The following POU2AF1 variants were observed in gnomAD, a reference collection of about 807,000 sequenced individuals.
The protein encoded by POU2AF1 is POU class 2 homeobox associating factor 1, also known as POU domain class 2-associating factor 1.
In POU2AF1, 12 loss-of-function variants were observed where a neutral mutation model predicts 26.3. The observed-to-expected ratio is 0.46, with a 90% CI of 0.29 to 0.74. The LOEUF (loss-of-function observed/expected upper bound fraction) is 0.74. POU2AF1 is among the 30% of genes least tolerant of loss of function. The probability of loss-of-function intolerance (pLI) is 0.09; values close to 1 mark genes in which losing one functional copy is unlikely to be tolerated. For missense variants in POU2AF1, 297 were observed against 334.5 expected, an observed-to-expected ratio of 0.89 and a Z score of 0.87; for synonymous variants, 175 against 148.0, an observed-to-expected ratio of 1.18 and a Z score of -1.32.
Position 111,354,460 on chromosome 11 carries a change from A to G in POU2AF1, c.572T>C (p.Leu191Pro). Residue 191 changes from leucine to proline, a missense_variant, in exon 5 of 5, where the codon CTG (leucine) becomes CCG (proline). Transcript: ENST00000393067. ...QPLSTLPTST[L>P]QYQPPAPALP... The stretch of plus-strand genomic sequence containing the variant: ...GGCTGGGGCCGGAGGCTGGTACTGC[A>G]GGGTGGAGGTGGGTAGTGTGGAAAG... 1 of 1,613,398 alleles carries G rather than the reference A, an allele frequency of 6.2e-7. No individual in the cohort carries two copies. Among genetic ancestry groups the G allele is most frequent in the Non-Finnish European group, 8.5e-7 (1 of 1,179,730 alleles).
intron 1 of POU2AF1, among the ~76,000 whole-genome samples, chr11:111,373,200 A>G (rs566246512): frequency 1.3e-5 from 2 of 152,374 alleles, no homozygotes; most frequent in South Asian, 4.1e-4. Flanking sequence ...TGTATACTGC[A>G]TAGCACCAAA....
At chr11:111,368,521 C>A (rs924243557) in intron 1 of POU2AF1, among the ~76,000 whole-genome samples, 1 of 152,086 alleles carries the variant, frequency 6.6e-6, no homozygotes, top group Admixed American at 6.6e-5. Flanking sequence ...GAGTCTCGAG[C>A]GTGACTTGCT....
chr11:111,353,974 G>A lies in POU2AF1; in HGVS notation c.*287C>T, dbSNP rs1229431584. On this transcript the variant is annotated 3_prime_UTR_variant, in exon 5 of 5. Coordinates refer to ENST00000393067, the MANE Select transcript of POU2AF1 (RefSeq NM_006235.3). ...GGGAGGAAAAGGAAGGAAGGGGTTGGAAAGGGAGAAGGGAAGGAGGGAAGG... is the reference window on the plus strand; with the variant it reads ...GGGAGGAAAAGGAAGGAAGGGGTTGAAAAGGGAGAAGGGAAGGAGGGAAGG... 2.6e-6 allele frequency: 1 copy of A among 377,422 alleles called. No homozygotes were observed. The highest frequency in any genetic ancestry group is 4.7e-6 in the Non-Finnish European group (1 of 212,988). 23.4% of individuals were successfully genotyped at this position (377,422 alleles called of 1,614,324 possible). A position where few individuals can be genotyped will look rare whatever the true frequency, so the allele number is the denominator to read the frequency against.
chr11:111,363,896 G>A (rs1405381814), intron 1 of POU2AF1: 1 of 985,270 alleles, frequency 1.0e-6, no homozygotes, highest in Non-Finnish European at 1.2e-6. Flanking sequence ...CCATCACGGA[G>A]GAAAATCTTT....
chr11:111,365,501 T>G (rs1861087827), intron 1 of POU2AF1, among the ~76,000 whole-genome samples: 1 of 152,100 alleles, frequency 6.6e-6, no homozygotes, highest in Non-Finnish European at 1.5e-5. Flanking sequence ...AATGGAAATA[T>G]CTTCTGCTGT....
chr11:111,361,654 A>G lies in POU2AF1; in HGVS notation c.17-2736T>C, dbSNP rs537786497. Among the ~76,000 whole-genome samples, 11 of 152,152 alleles carry G rather than the reference A, an allele frequency of 7.2e-5. No homozygotes were observed. In the South Asian group the frequency reaches 2.3e-3, roughly 32 times the overall value. ...ATCATGTCAGACAGCTCTTCCTCCT[A>G]CTGAGGCTAACTTATGGTAACACAT... is the stretch of plus-strand genomic sequence containing the variant. On this transcript the variant is annotated intron_variant, in intron 1 of 4. Transcript: ENST00000393067.
intron 1 of POU2AF1, among the ~76,000 whole-genome samples, chr11:111,365,661 C>A (rs1861090980): frequency 6.6e-6 from 1 of 152,206 alleles, no homozygotes; most frequent in African/African-American, 2.4e-5. Context: ...TAGTCGTTGT[C>A]ACCTTTCACT....
At position 111,358,899 on chromosome 11, in the gene POU2AF1, G is replaced by A. The variant is rs151204036; in HGVS notation, c.36C>T (p.Ala12=). ...CCTGGTATGGCCGGGCCGGGGCTGG[G>A]GCTTGCTCCGGAGCTGTGGCTGTGA... The part of the protein sequence containing the change: ...LWQKPTAPEQ[A]PAPARPYQGV... Residue 12 remains alanine (A), a synonymous_variant, in exon 2 of 5, where the codon GCC becomes GCT. Transcript: ENST00000393067. The A allele has an allele frequency of 6.2e-5, 99 of 1,605,826 alleles. No individual in the cohort carries two copies. Among genetic ancestry groups the A allele is most frequent in the Non-Finnish European group, 8.1e-5 (95 of 1,179,676 alleles).
At chr11:111,371,333 T>C (rs560992441) in intron 1 of POU2AF1, among the ~76,000 whole-genome samples, 1 of 152,282 alleles carries the variant, frequency 6.6e-6, no homozygotes, top group African/African-American at 2.4e-5. Context: ...CCACACATTG[T>C]TGTTTCAGTT....
intron 1 of POU2AF1, among the ~76,000 whole-genome samples, chr11:111,375,541 G>T (rs1026472118): frequency 6.6e-6 from 1 of 151,524 alleles, no homozygotes; most frequent in South Asian, 2.1e-4. Flanking sequence ...GGACTACAGG[G>T]GCCTGCCACC....
At chr11:111,358,593 C>T (rs1347715083) in intron 2 of POU2AF1, among the ~76,000 whole-genome samples, 195 bp downstream of exon 2, 1 of 104,686 alleles carries the variant, frequency 9.6e-6, no homozygotes, top group Non-Finnish European at 2.5e-5. Context: ...CCCTCACACA[C>T]ACATACACTC....
chr11:111,361,464 A>C (rs1392922759), intron 1 of POU2AF1, among the ~76,000 whole-genome samples: 3 of 152,258 alleles, frequency 2.0e-5, no homozygotes, highest in Non-Finnish European at 2.9e-5. Flanking sequence ...CCTCATTTGT[A>C]AAACGGGAAT....
chr11:111,369,780 C>T (rs1861173248), intron 1 of POU2AF1, among the ~76,000 whole-genome samples: 1 of 152,086 alleles, frequency 6.6e-6, no homozygotes. Flanking sequence ...CAAGGCAGTA[C>T]CATAGTGAGG....
chr11:111,372,087 G>GAA (rs1213580535), intron 1 of POU2AF1, among the ~76,000 whole-genome samples: 3 of 149,702 alleles, frequency 2.0e-5, no homozygotes, highest in Non-Finnish European at 4.5e-5. Context: ...GAGAGAGAGA[G>GAA]AGATGAAGGA....
rs370123695 is a variant in POU2AF1 at position 111,358,825 on chromosome 11, C to T, written c.110G>A (p.Gly37Asp). Residue 37 changes from glycine to aspartate, a missense_variant, in exon 2 of 5, where the codon GGC becomes GAC. Transcript: ENST00000393067. ...AGGTGCTGCCCCACTGCTGGCGTGG[C>T]CTCGCTTCCTCCTCAGCAGTTCCTT... ...PVKELLRRKR[G>D]HASSGAAPAP... 7 of 1,607,030 alleles carry T rather than the reference C, an allele frequency of 4.4e-6. No individual in the cohort carries two copies. The African/African-American group carries it at 9.3e-5, about 21-fold the overall frequency.
At chr11:111,374,805 T>C (rs1280129514) in intron 1 of POU2AF1, among the ~76,000 whole-genome samples, 4 of 152,230 alleles carry the variant, frequency 2.6e-5, no homozygotes, top group Non-Finnish European at 4.4e-5. Flanking sequence ...TTAGAGGTTG[T>C]CCAGAAACCT....
chr11:111,372,576 T>C (rs2135137045), intron 1 of POU2AF1, among the ~76,000 whole-genome samples: 1 of 152,358 alleles, frequency 6.6e-6, no homozygotes, highest in Middle Eastern at 3.4e-3. Flanking sequence ...GTAGGAGAGT[T>C]ACTAACTTAA....
At chr11:111,362,327 A>G (rs373256041) in intron 1 of POU2AF1, among the ~76,000 whole-genome samples, 2 of 152,220 alleles carry the variant, frequency 1.3e-5, no homozygotes, top group Non-Finnish European at 2.9e-5. Flanking sequence ...ATCCAATTAT[A>G]CTTTTAGTTA....
At chr11:111,368,040 G>A (rs955819963) in intron 1 of POU2AF1, among the ~76,000 whole-genome samples, 13 of 152,202 alleles carry the variant, frequency 8.5e-5, no homozygotes, top group Non-Finnish European at 2.9e-5. Context: ...CAGAACAGAT[G>A]AGGTTCTTGC....
Sources: allele counts gnomAD v4.1 joint callset (sites outside exome capture counted in the v4.1 genomes callset), GRCh38; gene constraint gnomAD v4.1.1; transcripts MANE v1.5; gene names NCBI Gene and HGNC (gene_info 2026-07-23, HGNC 2026-07-21).